The following CHID1 variants were observed in gnomAD, a reference collection of about 807,000 sequenced individuals.
CHID1 encodes chitinase domain containing 1.
A neutral mutation model predicts 55.4 loss-of-function variants in CHID1; 44 were observed. The observed-to-expected ratio is 0.79, with a 90% CI of 0.62 to 1.02. The LOEUF (loss-of-function observed/expected upper bound fraction) is 1.02. Ranked by LOEUF, CHID1 falls within the 50% of genes least tolerant of loss-of-function variation. The pLI, the probability that CHID1 is intolerant of heterozygous loss-of-function variation, is 0.00. For synonymous variants in CHID1, 216 were observed against 212.9 expected (o/e 1.01, Z -0.13); for missense variants, 491 against 515.3 (o/e 0.95, Z 0.46).
intron 1 of CHID1, among the ~76,000 whole-genome samples, chr11:905,405 T>C (rs2134352570): frequency 6.6e-6 from 1 of 152,310 alleles, no homozygotes; most frequent in East Asian, 1.9e-4. Context: ...CGGTGGCTTA[T>C]GCCTGTAATC....
At chr11:896,872 ACCCC>A in intron 7 of CHID1, among the ~76,000 whole-genome samples, 1 of 98,852 alleles carries the variant, frequency 1.0e-5, no homozygotes, top group East Asian at 3.2e-4. Context: ...CCCAGACTCC[ACCCC>A]AGACACGAGC....
chr11:877,059 T>G (rs1216714057), intron 10 of CHID1, among the ~76,000 whole-genome samples: 1 of 152,164 alleles, frequency 6.6e-6, no homozygotes, highest in Non-Finnish European at 1.5e-5. Context: ...AGGGGACTTC[T>G]CAGCTGGGAG....
Position 883,204 on chromosome 11 carries a change from G to GA in CHID1, c.902dup (p.Tyr302LeufsTer13). ...TGGAGGTCGCGTAGTCCATACCATA[G>GA]AAGTTGAGCCCCAGGAGGATTTTGC... On this transcript the variant is annotated frameshift_variant, in exon 10 of 13. Coordinates refer to ENST00000323578, the MANE Select transcript of CHID1 (RefSeq NM_023947.4). LOFTEE classifies it high-confidence loss of function. 1 of 1,614,162 alleles carries GA rather than the reference G, an allele frequency of 6.2e-7. No individual in the cohort carries two copies. Among genetic ancestry groups the GA allele is most frequent in the Non-Finnish European group, 8.5e-7 (1 of 1,179,990 alleles).
chr11:906,016 C>T (rs1463907418), intron 1 of CHID1, among the ~76,000 whole-genome samples: 1 of 152,144 alleles, frequency 6.6e-6, no homozygotes, highest in Non-Finnish European at 1.5e-5. Flanking sequence ...AAAGACATTC[C>T]AGTAAAAAAT....
At chr11:873,790 A>G (rs1849326904) in intron 10 of CHID1, among the ~76,000 whole-genome samples, 1 of 152,150 alleles carries the variant, frequency 6.6e-6, no homozygotes, top group Admixed American at 6.5e-5. Flanking sequence ...CAATTCTGGA[A>G]GCGTGTTAAA....
Position 869,886 on chromosome 11 carries a change from C to A in CHID1, c.1154G>T (p.Gly385Val). 6.2e-7 allele frequency: 1 copy of A among 1,613,108 alleles called. No individual in the cohort carries two copies. The highest frequency in any genetic ancestry group is 8.5e-7 in the Non-Finnish European group (1 of 1,179,962). Reference sequence around the variant, plus strand: ...GAGCAGGTCGTAGAAGTAGTCCAGGCCCTGGCCCAGCTCCCAGATAGAGAC... The same window carrying A: ...GAGCAGGTCGTAGAAGTAGTCCAGGACCTGGCCCAGCTCCCAGATAGAGAC... ...VGVSIWELGQ[G>V]LDYFYDLL Residue 385 changes from glycine to valine, a missense_variant, in exon 13 of 13, where the codon GGC becomes GTC. Physicochemically the swap from Gly to Val is moderately radical, Grantham distance 109. Transcript: ENST00000323578.
At chr11:899,869 A>G in intron 6 of CHID1, 135 bp downstream of exon 6, 2 of 636,056 alleles carry the variant, frequency 3.1e-6, no homozygotes, top group Non-Finnish European at 5.6e-6. Context: ...TCCCTGGAAG[A>G]TGGGGGCTGC....
intron 7 of CHID1, among the ~76,000 whole-genome samples, chr11:896,511 A>G (rs1359933744): frequency 2.2e-5 from 2 of 92,154 alleles, no homozygotes. Context: ...CTGTCTCAGC[A>G]CCCCCAGCCT....
intron 8 of CHID1, among the ~76,000 whole-genome samples, chr11:891,512 G>T (rs181125251): frequency 6.6e-6 from 1 of 152,168 alleles, no homozygotes; most frequent in Non-Finnish European, 1.5e-5. Context: ...CAGAAGACAG[G>T]CACCTGGTCC....
chr11:892,972 G>A (rs1214652478), intron 8 of CHID1, among the ~76,000 whole-genome samples: 3 of 152,230 alleles, frequency 2.0e-5, no homozygotes, highest in Non-Finnish European at 2.9e-5. Flanking sequence ...GCACCCAACC[G>A]CACACAGCGA....
chr11:894,679 C>T (rs1379177580), intron 7 of CHID1, among the ~76,000 whole-genome samples: 1 of 152,172 alleles, frequency 6.6e-6, no homozygotes, highest in Non-Finnish European at 1.5e-5. Flanking sequence ...AGAGCCGGCC[C>T]CTGGTGGCCC....
intron 3 of CHID1, 76 bp from the exon 4 acceptor site, chr11:902,406 G>A (rs1341311691): frequency 1.6e-5 from 25 of 1,539,184 alleles, no homozygotes; most frequent in South Asian, 3.5e-5. Context: ...TCATTCTGGC[G>A]CCTCTGGACG....
At position 884,171 on chromosome 11, in the gene CHID1, T is replaced by G; in HGVS notation, c.702-2A>C. On this transcript the variant is annotated splice_acceptor_variant, in intron 8 of 12. Coordinates refer to ENST00000323578, the MANE Select transcript of CHID1 (RefSeq NM_023947.4). LOFTEE classifies it high-confidence loss of function. ...GTGAACATGCCCAGCTGGTCGGTCCTGTAACAGACAGGTGCAGCCACCTCA... is the reference window on the plus strand; with the variant it reads ...GTGAACATGCCCAGCTGGTCGGTCCGGTAACAGACAGGTGCAGCCACCTCA... The G allele has an allele frequency of 6.2e-7, 1 of 1,613,428 alleles. No homozygotes were observed. The highest frequency in any genetic ancestry group is 8.5e-7 in the Non-Finnish European group (1 of 1,179,586).
At chr11:902,356 G>T (rs199930280) in intron 3 of CHID1, 26 bp from the exon 4 acceptor site, 242 of 1,605,144 alleles carry the variant, frequency 1.5e-4, no homozygotes, top group Non-Finnish European at 2.0e-4. Context: ...GACATCAGAC[G>T]GAGGACAGGT....
In CHID1 at chr11:868,174, C is replaced by G. The variant is rs1489348496; in HGVS notation, c.*1684G>C. ...CAGACCTGCGTGTCCCCCACCCTCA[C>G]TCCAACAGAAGCCACAGGACCCCCG... On this transcript the variant is annotated 3_prime_UTR_variant, in exon 13 of 13. Coordinates refer to ENST00000323578, the MANE Select transcript of CHID1 (RefSeq NM_023947.4). 3.9e-5 allele frequency: 6 copies of G among 152,028 alleles called. No individual in the cohort carries two copies. Among genetic ancestry groups the G allele is most frequent in the Non-Finnish European group, 1.5e-5 (1 of 68,042 alleles). 9.4% of individuals were successfully genotyped at this position (152,028 alleles called of 1,614,324 possible). A position where few individuals can be genotyped will look rare whatever the true frequency, so the allele number is the denominator to read the frequency against.
chr11:902,479 G>C, intron 3 of CHID1, 149 bp from the exon 4 acceptor site: 1 of 831,304 alleles, frequency 1.2e-6, no homozygotes, highest in Non-Finnish European at 1.9e-6. Flanking sequence ...CTGGCCTGGG[G>C]TATCCTTCTC....
Position 875,214 on chromosome 11 carries a change from C to G in CHID1, c.960-4715G>C, listed in dbSNP as rs541846097. On this transcript the variant is annotated intron_variant, in intron 10 of 12. Transcript: ENST00000323578. This position sits in a 1 kb window ranked among gnomAD's most constrained non-coding sequence, Gnocchi z 4.7. Reference sequence around the variant, plus strand: ...ACACTGAAACCCCAGGCCAGGTGCTCCTATCTTCACAGGTTTCAGTTGCCT... The same window carrying G: ...ACACTGAAACCCCAGGCCAGGTGCTGCTATCTTCACAGGTTTCAGTTGCCT... 1.3e-5 allele frequency among the ~76,000 whole-genome samples: 2 copies of G among 152,386 alleles called. No individual in the cohort carries two copies. Among genetic ancestry groups the G allele is most frequent in the South Asian group, 4.1e-4 (2 of 4,832 alleles).
intron 10 of CHID1, among the ~76,000 whole-genome samples, chr11:874,046 G>A (rs534100937): frequency 2.6e-5 from 4 of 152,290 alleles, no homozygotes; most frequent in Admixed American, 6.5e-5. Context: ...TGTGGGGGGC[G>A]TCACCCCACG....
intron 10 of CHID1, among the ~76,000 whole-genome samples, chr11:873,630 C>G (rs1205701934): frequency 6.6e-6 from 1 of 152,148 alleles, no homozygotes; most frequent in Admixed American, 6.5e-5. Flanking sequence ...TCAATGAACA[C>G]GGACAGCTCG....
Sources: gnomAD v4.1 joint callset for allele counts (sites outside exome capture counted in the v4.1 genomes callset) on GRCh38, gnomAD v4.1.1 for gene constraint, Gnocchi (gnomAD v3.1) non-coding constraint, MANE v1.5 for transcripts, NCBI Gene and HGNC (gene_info 2026-07-23, HGNC 2026-07-21) for gene names.